Variants in DPP6 observed in about 807,000 individuals in gnomAD.
The protein encoded by DPP6 is dipeptidyl peptidase like 6.
DPP6 carries 69 observed loss-of-function variants against 122.6 expected under a neutral mutation model. The ratio of observed to expected loss-of-function variants is 0.56; its 90% CI spans 0.46 to 0.69. The LOEUF (loss-of-function observed/expected upper bound fraction) is 0.69, where lower values mean the gene tolerates loss of function less well. DPP6 is among the 30% of genes least tolerant of loss of function. The pLI, the probability that DPP6 is intolerant of heterozygous loss-of-function variation, is 0.00. For synonymous variants in DPP6, 418 were observed against 433.1 expected (o/e 0.97, Z 0.43); for missense variants, 928 against 1,116.9 (o/e 0.83, Z 2.41).
At chr7:154,857,776 C>CG (rs1802964994) in intron 17 of DPP6, among the ~76,000 whole-genome samples, 2 of 152,214 alleles carry the variant, frequency 1.3e-5, no homozygotes, top group South Asian at 4.2e-4. Context: ...ATGTGGTTTG[C>CG]GGGGGGATGT....
chr7:154,884,224 TGC>T (rs1805849165), intron 21 of DPP6: 1 of 123,884 alleles, frequency 8.1e-6, no homozygotes, highest in Admixed American at 7.8e-5. Flanking sequence ...TACATGCACC[TGC>T]TCACACACAC....
chr7:153,801,575 G>A, the DPP6 span, among the ~76,000 whole-genome samples: 3 of 152,190 alleles, frequency 2.0e-5, no homozygotes, highest in African/African-American at 7.2e-5. Context: ...GGCCACTCCA[G>A]CCGCTCTGCT....
chr7:154,128,546 C>T (rs1273532606), intron 1 of DPP6, among the ~76,000 whole-genome samples: 11 of 152,142 alleles, frequency 7.2e-5, no homozygotes, highest in South Asian at 2.1e-4. Context: ...GGACTACAGG[C>T]GCCCGCCACC....
intron 1 of DPP6, among the ~76,000 whole-genome samples, chr7:154,327,348 A>C (rs1808534045): frequency 6.6e-6 from 1 of 152,188 alleles, no homozygotes; most frequent in South Asian, 2.1e-4. Context: ...CTTGAGTTTT[A>C]GTAACATTCC....
At chr7:154,516,264 CT>C (rs34511688) in intron 3 of DPP6, among the ~76,000 whole-genome samples, 62,982 of 146,676 alleles carry the variant, frequency 0.43, 13,217 homozygotes, top group Middle Eastern at 0.49. Context: ...CCGAACTCTG[CT>C]TTTTTTTTTT....
chr7:153,894,370 G>A (rs1441033266), intron 1 of DPP6, among the ~76,000 whole-genome samples: 1 of 152,168 alleles, frequency 6.6e-6, no homozygotes, highest in Non-Finnish European at 1.5e-5. Context: ...TAGAACTCAA[G>A]AGCGTGCCTC....
At chr7:154,362,858 C>T (rs1811846756) in intron 1 of DPP6, among the ~76,000 whole-genome samples, 2 of 152,200 alleles carry the variant, frequency 1.3e-5, no homozygotes, top group Non-Finnish European at 2.9e-5. Flanking sequence ...CCGAGTGCAG[C>T]CCTGCTCCAC....
At chr7:153,866,266 C>A in the DPP6 span, among the ~76,000 whole-genome samples, 1 of 152,144 alleles carries the variant, frequency 6.6e-6, no homozygotes, top group Non-Finnish European at 1.5e-5. Flanking sequence ...TACAGTCCCA[C>A]CAACAGTGTA....
intron 1 of DPP6, among the ~76,000 whole-genome samples, chr7:154,270,351 A>G (rs1039225877): frequency 6.6e-6 from 1 of 152,224 alleles, no homozygotes; most frequent in Non-Finnish European, 1.5e-5. Context: ...TGAACTGATA[A>G]TATAGAAAAA....
At chr7:154,637,968 T>TG (rs1314555966) in intron 6 of DPP6, 95 bp downstream of exon 6, 3 of 1,381,392 alleles carry the variant, frequency 2.2e-6, no homozygotes, top group African/African-American at 1.4e-5. Flanking sequence ...GGGCGGGAAA[T>TG]GGCGTTCCAG....
At chr7:153,926,315 A>C (rs1333366831) in intron 1 of DPP6, among the ~76,000 whole-genome samples, 1 of 152,244 alleles carries the variant, frequency 6.6e-6, no homozygotes, top group Non-Finnish European at 1.5e-5. Context: ...TCTTGAAATC[A>C]CATTTCTATC....
chr7:154,574,198 GTATGTGTGTGGGGTC>G (rs1831302749), intron 5 of DPP6, among the ~76,000 whole-genome samples: 2 of 151,862 alleles, frequency 1.3e-5, no homozygotes, highest in African/African-American at 4.8e-5. Context: ...GTGTGTGTGT[GTATGTGTGTGGGGTC>G]TGTGTGTGTG....
chr7:153,892,629 G>T (rs1278235830), intron 1 of DPP6, among the ~76,000 whole-genome samples: 1 of 152,160 alleles, frequency 6.6e-6, no homozygotes, highest in African/African-American at 2.4e-5. Context: ...AGTCTGTGGG[G>T]ACAGCATTTC....
chr7:154,330,379 G>A lies in DPP6; in HGVS notation c.244-115835G>A, dbSNP rs528411652. Among the ~76,000 whole-genome samples the A allele has an allele frequency of 3.9e-5, 6 of 152,320 alleles. No individual in the cohort carries two copies. The South Asian group carries it at 1.2e-3, about 32-fold the overall frequency. ...GATCTCTGAGGACAAGGTATTCACA[G>A]CCGAGAGTGGCAGGGATGAGGAGAG... On this transcript the variant is annotated intron_variant, in intron 1 of 25. Coordinates refer to ENST00000377770, the MANE Select transcript of DPP6 (RefSeq NM_130797.4).
intron 1 of DPP6, among the ~76,000 whole-genome samples, chr7:154,069,961 AG>A (rs1220390571): frequency 6.8e-6 from 1 of 146,890 alleles, no homozygotes; most frequent in African/African-American, 2.5e-5. Context: ...CTGAGGCAGG[AG>A]AATGGCGTGA....
intron 20 of DPP6, among the ~76,000 whole-genome samples, chr7:154,878,112 C>T (rs1049596581): frequency 1.6e-4 from 24 of 152,314 alleles, no homozygotes; most frequent in African/African-American, 5.3e-4. Context: ...ACCCCACCTG[C>T]TCTATCTCCT....
At chr7:154,558,679 A>G (rs1337978124) in intron 4 of DPP6, among the ~76,000 whole-genome samples, 1 of 152,246 alleles carries the variant, frequency 6.6e-6, no homozygotes, top group Non-Finnish European at 1.5e-5. Context: ...GCAATAGGCT[A>G]TGCCATATGG....
the DPP6 span, among the ~76,000 whole-genome samples, chr7:153,869,339 T>A: frequency 3.9e-5 from 6 of 152,226 alleles, no homozygotes. Context: ...GGTGCTCCTG[T>A]ATTGGGTGCA....
chr7:154,412,671 T>C (rs1399657828), intron 1 of DPP6, among the ~76,000 whole-genome samples: 2 of 152,066 alleles, frequency 1.3e-5, no homozygotes, highest in Non-Finnish European at 2.9e-5. Flanking sequence ...AGAAGCAATA[T>C]CTTTTTTTTT....
Sources: allele counts gnomAD v4.1 joint callset (sites outside exome capture counted in the v4.1 genomes callset), GRCh38; gene constraint gnomAD v4.1.1; transcripts MANE v1.5; gene names NCBI Gene and HGNC (gene_info 2026-07-23, HGNC 2026-07-21).